Variants in NFIX observed in about 807,000 individuals in gnomAD.
NFIX encodes nuclear factor 1 X-type.
Under a neutral mutation model 53.3 loss-of-function variants are expected in NFIX, and 2 were observed. That is an observed-to-expected ratio of 0.04 (90% CI 0.02 to 0.12). The LOEUF (loss-of-function observed/expected upper bound fraction) is 0.12, where lower values mean the gene tolerates loss of function less well. Ranked by LOEUF, NFIX falls within the 10% of genes least tolerant of loss-of-function variation. The probability of loss-of-function intolerance (pLI) is 1.00; values close to 1 mark genes in which losing one functional copy is unlikely to be tolerated. For synonymous variants in NFIX, 244 were observed against 289.0 expected (o/e 0.84, Z 1.58); for missense variants, 310 against 674.5 (o/e 0.46, Z 5.99).
intron 1 of NFIX, among the ~76,000 whole-genome samples, chr19:13,000,893 T>A (rs2011656671): frequency 6.6e-6 from 1 of 152,246 alleles, no homozygotes; most frequent in African/African-American, 2.4e-5. Flanking sequence ...GTGGGCAAAA[T>A]GCCCCCGTGG....
chr19:13,062,219 C>T (rs1189857150), intron 2 of NFIX, among the ~76,000 whole-genome samples: 1 of 152,168 alleles, frequency 6.6e-6, no homozygotes, highest in Non-Finnish European at 1.5e-5. Context: ...ATGTTCAGTC[C>T]TGTGTCTGGA....
At position 12,995,809 on chromosome 19, in the gene NFIX, C is replaced by A; in HGVS notation, c.-29C>A. 1.1e-6 allele frequency: 1 copy of A among 946,980 alleles called. No individual in the cohort carries two copies. The highest frequency in any genetic ancestry group is 1.3e-6 in the Non-Finnish European group (1 of 797,560). 58.7% of individuals were successfully genotyped at this position (946,980 alleles called of 1,614,324 possible). Reference sequence around the variant, plus strand: ...CCGGGCCTCCCCTCGCCGCGGCCGGCCGCCGCGCTCCCGCCCGGGCGCCCA... The same window carrying A: ...CCGGGCCTCCCCTCGCCGCGGCCGGACGCCGCGCTCCCGCCCGGGCGCCCA... On this transcript the variant is annotated 5_prime_UTR_variant, in exon 1 of 11. Transcript: ENST00000592199.
rs901054732 is a variant in NFIX, at chr19:12,995,512, G to T, written c.-326G>T. 6.5e-6 allele frequency: 1 copy of T among 154,652 alleles called. No homozygotes were observed. 9.6% of individuals were successfully genotyped at this position (154,652 alleles called of 1,614,324 possible). A position where few individuals can be genotyped will look rare whatever the true frequency, so the allele number is the denominator to read the frequency against. ...ACTTTCACAGCGCGGCGGCTGCGGC[G>T]GCGGCGGCGGCGGGCGAGGGTGACC... On this transcript the variant is annotated 5_prime_UTR_variant, in exon 1 of 11. Coordinates refer to ENST00000592199, the MANE Select transcript of NFIX (RefSeq NM_001365902.3).
chr19:13,063,114 T>A (rs1006091886), intron 2 of NFIX, among the ~76,000 whole-genome samples: 1 of 152,172 alleles, frequency 6.6e-6, no homozygotes, highest in African/African-American at 2.4e-5. Context: ...GGGAGGCTGA[T>A]GCTCCCCAAT....
intron 1 of NFIX, among the ~76,000 whole-genome samples, chr19:13,019,865 G>A (rs915403695): frequency 6.6e-6 from 1 of 151,362 alleles, no homozygotes; most frequent in African/African-American, 2.4e-5. Flanking sequence ...CTGGCTTCTC[G>A]ATGATTTTTC....
chr19:13,055,563 G>C (rs1398838339), intron 2 of NFIX, among the ~76,000 whole-genome samples: 1 of 152,162 alleles, frequency 6.6e-6, no homozygotes, highest in African/African-American at 2.4e-5. Flanking sequence ...CGCCCCTCAC[G>C]GGGCCTCGGC....
At chr19:13,063,644 C>T (rs1490684290) in intron 2 of NFIX, among the ~76,000 whole-genome samples, 2 of 152,136 alleles carry the variant, frequency 1.3e-5, no homozygotes, top group African/African-American at 4.8e-5. Context: ...GTGGCTCCTC[C>T]TCTCTCTCCC....
Position 13,010,792 on chromosome 19 carries a change from TC to T in NFIX, c.28-14228del, listed in dbSNP as rs533932029. Among the ~76,000 whole-genome samples, 287 of 152,234 alleles carry T rather than the reference TC, an allele frequency of 1.9e-3. 3 individuals are homozygous for T. Among genetic ancestry groups the T allele is most frequent in the African/African-American group, 6.5e-3 (270 of 41,542 alleles). ...ATGAGTCACACACCTGCCAGGCCGC[TC>T]AGGGCATCTGGCTTCAAAGCGGCAT... On this transcript the variant is annotated intron_variant, in intron 1 of 10. Coordinates refer to ENST00000592199, the MANE Select transcript of NFIX (RefSeq NM_001365902.3).
intron 5 of NFIX, among the ~76,000 whole-genome samples, chr19:13,074,959 A>G (rs988496138): frequency 1.4e-5 from 2 of 147,630 alleles, no homozygotes; most frequent in Non-Finnish European, 3.0e-5. Context: ...AGTCCCAGCT[A>G]CTTGGGAGGC....
chr19:13,060,711 G>A lies in NFIX; in HGVS notation c.560-12336G>A, dbSNP rs1299224451. Among the ~76,000 whole-genome samples the A allele has an allele frequency of 6.6e-6, 1 of 152,138 alleles. No homozygotes were observed. Among genetic ancestry groups the A allele is most frequent in the African/African-American group, 2.4e-5 (1 of 41,448 alleles). On this transcript the variant is annotated intron_variant, in intron 2 of 10. Coordinates refer to ENST00000592199, the MANE Select transcript of NFIX (RefSeq NM_001365902.3). This position sits in a 1 kb window ranked among gnomAD's most constrained non-coding sequence, Gnocchi z 4.3. ...ATTGCGGGGCCAGGGAAGCAACCAGGCCCAGTCTGGGGCCCTGTGAAGCGA... is the reference window on the plus strand; with the variant it reads ...ATTGCGGGGCCAGGGAAGCAACCAGACCCAGTCTGGGGCCCTGTGAAGCGA...
intron 1 of NFIX, among the ~76,000 whole-genome samples, chr19:13,023,070 T>TC (rs2013036703): frequency 5.8e-5 from 8 of 138,070 alleles, no homozygotes; most frequent in South Asian, 2.3e-4. Flanking sequence ...TTCTCTCTCT[T>TC]TCTCTCTCTC....
chr19:13,023,011 C>T (rs1459173522), intron 1 of NFIX, among the ~76,000 whole-genome samples: 2 of 151,872 alleles, frequency 1.3e-5, no homozygotes, highest in East Asian at 1.9e-4. Flanking sequence ...TCCCCTTGGA[C>T]GCAGCCATTG....
intron 8 of NFIX, among the ~76,000 whole-genome samples, chr19:13,083,919 C>T (rs1416880571): frequency 4.6e-5 from 7 of 152,388 alleles, no homozygotes; most frequent in Non-Finnish European, 1.0e-4. Context: ...GCTTGCACTA[C>T]AGCCACTGTT....
rs866063846 is a variant in NFIX at position 13,067,491 on chromosome 19, T to C, written c.560-5556T>C. ...GTGTGTGTGTGTGTGTGCGTGTGTG[T>C]GTGTGTGTGTGTGTATGTGTGTGTC... On this transcript the variant is annotated intron_variant, in intron 2 of 10. Transcript: ENST00000592199. The surrounding 1 kb of genome is among the most constrained non-coding windows in gnomAD (Gnocchi z 4.2). Among the ~76,000 whole-genome samples the C allele has an allele frequency of 6.8e-5, 10 of 147,440 alleles. No homozygotes were observed. The highest frequency in any genetic ancestry group is 2.6e-4 in the African/African-American group (10 of 38,664).
rs2013466541 is a variant in NFIX, at chr19:13,027,555, C to T, written c.559+2003C>T. Among the ~76,000 whole-genome samples the T allele has an allele frequency of 6.6e-6, 1 of 152,140 alleles. No individual in the cohort carries two copies. Among genetic ancestry groups the T allele is most frequent in the Admixed American group, 6.6e-5 (1 of 15,264 alleles). On this transcript the variant is annotated intron_variant, in intron 2 of 10. Transcript: ENST00000592199. This position sits in a 1 kb window ranked among gnomAD's most constrained non-coding sequence, Gnocchi z 4.3. ...AGAGCATCTAAGATGAAAATCAACA[C>T]TCATCTTCCTCTGAGCTGGCTTCCT...
At chr19:13,007,691 C>CGGTTTA (rs1307610891) in intron 1 of NFIX, among the ~76,000 whole-genome samples, 9 of 152,330 alleles carry the variant, frequency 5.9e-5, no homozygotes, top group African/African-American at 2.2e-4. Context: ...TCGGAGGAAC[C>CGGTTTA]GGTTTAATGC....
intron 1 of NFIX, among the ~76,000 whole-genome samples, chr19:13,019,543 A>T (rs2012846784): frequency 6.8e-6 from 1 of 147,978 alleles, no homozygotes; most frequent in Non-Finnish European, 1.5e-5. Context: ...CTAGCTTGGC[A>T]CTCTCTCTCC....
In NFIX at chr19:13,081,480, A is replaced by T. The variant is rs2017460103; in HGVS notation, c.1079-200A>T. 1.3e-5 allele frequency among the ~76,000 whole-genome samples: 2 copies of T among 152,008 alleles called. No homozygotes were observed. The highest frequency in any genetic ancestry group is 6.6e-5 in the Admixed American group (1 of 15,250). On this transcript the variant is annotated intron_variant, in intron 7 of 10. Transcript: ENST00000592199. The surrounding 1 kb of genome is among the most constrained non-coding windows in gnomAD (Gnocchi z 4.7). ...CTATTTGATTATTATTATTATTATT[A>T]TTTTTGTATTGCATTAAAACATCAT...
In NFIX at chr19:13,031,355, A is replaced by G. The variant is rs187601556; in HGVS notation, c.559+5803A>G. ...GACCTAGAGGCCTGATCCCATAATTATGGGCATGGTGACCAGCCGTGCTCT... is the reference window on the plus strand; with the variant it reads ...GACCTAGAGGCCTGATCCCATAATTGTGGGCATGGTGACCAGCCGTGCTCT... On this transcript the variant is annotated intron_variant, in intron 2 of 10. Coordinates refer to ENST00000592199, the MANE Select transcript of NFIX (RefSeq NM_001365902.3). Among the ~76,000 whole-genome samples, 4 of 152,234 alleles carry G rather than the reference A, an allele frequency of 2.6e-5. No individual in the cohort carries two copies. In the East Asian group the frequency reaches 7.7e-4, roughly 29 times the overall value.
Sources: allele counts gnomAD v4.1 joint callset (sites outside exome capture counted in the v4.1 genomes callset), GRCh38; gene constraint gnomAD v4.1.1; non-coding constraint Gnocchi (gnomAD v3.1); transcripts MANE v1.5; gene names NCBI Gene and HGNC (gene_info 2026-07-23, HGNC 2026-07-21).